Variants in NR3C2 observed in about 807,000 individuals in gnomAD.
NR3C2 encodes nuclear receptor subfamily 3 group C member 2.
A neutral mutation model predicts 86.4 loss-of-function variants in NR3C2; 15 were observed. The observed-to-expected ratio is 0.17, with a 90% CI of 0.12 to 0.27. NR3C2 has a LOEUF of 0.27. NR3C2 is among the 10% of genes least tolerant of loss of function. The pLI, the probability that NR3C2 is intolerant of heterozygous loss-of-function variation, is 1.00. For synonymous variants in NR3C2, 458 were observed against 450.5 expected (o/e 1.02, Z -0.21); for missense variants, 960 against 1,195.6 (o/e 0.80, Z 2.91).
intron 8 of NR3C2, among the ~76,000 whole-genome samples, chr4:148,094,062 A>G (rs1731172506): frequency 6.6e-6 from 1 of 152,220 alleles, no homozygotes; most frequent in Admixed American, 6.5e-5. Context: ...AGATACACAA[A>G]TGTATCTTTA....
intron 2 of NR3C2, among the ~76,000 whole-genome samples, chr4:148,317,298 T>C (rs1579146198): frequency 6.7e-6 from 1 of 149,878 alleles, no homozygotes; most frequent in Non-Finnish European, 1.5e-5. Context: ...GAGGTTGTGG[T>C]GAGCTGAGAT....
At chr4:148,175,034 A>G (rs562465489) in intron 4 of NR3C2, among the ~76,000 whole-genome samples, 374 of 152,300 alleles carry the variant, frequency 2.5e-3, no homozygotes, top group African/African-American at 8.4e-3. Flanking sequence ...AGGCTATGTT[A>G]GGGTTGGCAA....
At chr4:148,310,897 T>C (rs1340761426) in intron 2 of NR3C2, among the ~76,000 whole-genome samples, 2 of 152,142 alleles carry the variant, frequency 1.3e-5, no homozygotes, top group African/African-American at 2.4e-5. Context: ...CACACTCTCA[T>C]GATCCCACTC....
intron 3 of NR3C2, among the ~76,000 whole-genome samples, chr4:148,236,383 A>G (rs928302414): frequency 5.9e-5 from 9 of 152,334 alleles, no homozygotes; most frequent in Admixed American, 1.3e-4. Flanking sequence ...TGGAAAAAGA[A>G]AAGTTGATTT....
chr4:148,102,915 G>A (rs1731605526), intron 8 of NR3C2, among the ~76,000 whole-genome samples: 1 of 152,210 alleles, frequency 6.6e-6, no homozygotes, highest in Non-Finnish European at 1.5e-5. Context: ...ATCAGCTCCA[G>A]ATTCTCTACA....
intron 3 of NR3C2, among the ~76,000 whole-genome samples, chr4:148,213,858 T>C (rs1171131570): frequency 6.6e-6 from 1 of 152,230 alleles, no homozygotes; most frequent in East Asian, 1.9e-4. Context: ...ACAACTTACA[T>C]AGTCCCCTTT....
chr4:148,351,721 A>G (rs555831170), intron 2 of NR3C2, among the ~76,000 whole-genome samples: 1 of 152,320 alleles, frequency 6.6e-6, no homozygotes, highest in South Asian at 2.1e-4. Context: ...ATGCTTTTTG[A>G]GTAAATGAGT....
chr4:148,183,610 G>A (rs1423445248), intron 4 of NR3C2, among the ~76,000 whole-genome samples: 3 of 152,084 alleles, frequency 2.0e-5, no homozygotes, highest in Non-Finnish European at 2.9e-5. Context: ...CCATTAACTC[G>A]CTTGTAAAAT....
intron 3 of NR3C2, among the ~76,000 whole-genome samples, chr4:148,206,017 T>G (rs566276040): frequency 6.6e-6 from 1 of 152,280 alleles, no homozygotes; most frequent in African/African-American, 2.4e-5. Context: ...AGTCTGGACA[T>G]GAATCTTAGG....
chr4:148,340,684 G>C (rs1179607477), intron 2 of NR3C2, among the ~76,000 whole-genome samples: 1 of 151,928 alleles, frequency 6.6e-6, no homozygotes, highest in East Asian at 1.9e-4. Flanking sequence ...AAACAACAAA[G>C]AGATAACCCA....
intron 2 of NR3C2, among the ~76,000 whole-genome samples, chr4:148,380,636 A>G (rs902871646): frequency 6.6e-6 from 1 of 152,180 alleles, no homozygotes; most frequent in Non-Finnish European, 1.5e-5. Flanking sequence ...TACTCATCTT[A>G]GTGGGCGCGA....
At chr4:148,372,709 G>A (rs1272743952) in intron 2 of NR3C2, among the ~76,000 whole-genome samples, 1 of 152,096 alleles carries the variant, frequency 6.6e-6, no homozygotes, top group African/African-American at 2.4e-5. Flanking sequence ...ATTAACACTT[G>A]AAGTCAAACA....
At chr4:148,223,489 GTTGA>G (rs1314646873) in intron 3 of NR3C2, among the ~76,000 whole-genome samples, 1 of 152,164 alleles carries the variant, frequency 6.6e-6, no homozygotes, top group Non-Finnish European at 1.5e-5. Flanking sequence ...ATATCTGGTA[GTTGA>G]TTAAGGTGGA....
intron 2 of NR3C2, among the ~76,000 whole-genome samples, chr4:148,281,365 G>A (rs904542953): frequency 6.6e-6 from 1 of 152,206 alleles, no homozygotes; most frequent in Non-Finnish European, 1.5e-5. Flanking sequence ...TTCAAACATA[G>A]TTGAGCGCTA....
intron 3 of NR3C2, among the ~76,000 whole-genome samples, chr4:148,195,764 G>A (rs1736412184): frequency 1.3e-5 from 2 of 152,164 alleles, no homozygotes; most frequent in Admixed American, 1.3e-4. Flanking sequence ...GAAGGTGAGG[G>A]CTGATTACCT....
At chr4:148,187,798 C>CTTCT (rs1735999476) in intron 4 of NR3C2, among the ~76,000 whole-genome samples, 1 of 152,180 alleles carries the variant, frequency 6.6e-6, no homozygotes, top group Non-Finnish European at 1.5e-5. Flanking sequence ...TTGCCTAAGC[C>CTTCT]AATGTCTAGA....
chr4:148,281,795 C>T (rs1232573448), intron 2 of NR3C2, among the ~76,000 whole-genome samples: 3 of 152,096 alleles, frequency 2.0e-5, no homozygotes, highest in South Asian at 2.1e-4. Flanking sequence ...CTATAGGAGA[C>T]GGAAAGATGC....
chr4:148,249,583 G>A (rs981031453), intron 3 of NR3C2, among the ~76,000 whole-genome samples: 8 of 152,138 alleles, frequency 5.3e-5, no homozygotes, highest in African/African-American at 1.9e-4. Flanking sequence ...TTCTGTTGTC[G>A]AATGTCGGTG....
At chr4:148,106,927 T>A (rs1205720982) in intron 8 of NR3C2, among the ~76,000 whole-genome samples, 2 of 152,106 alleles carry the variant, frequency 1.3e-5, no homozygotes, top group African/African-American at 4.8e-5. Context: ...ACCTAGGCAA[T>A]ACCTTGCAGG....
Sources: gnomAD v4.1 joint callset for allele counts (sites outside exome capture counted in the v4.1 genomes callset) on GRCh38, gnomAD v4.1.1 for gene constraint, MANE v1.5 for transcripts, NCBI Gene and HGNC (gene_info 2026-07-23, HGNC 2026-07-21) for gene names.